Variants in TBC1D32 observed in about 807,000 individuals in gnomAD.
TBC1D32 encodes the protein TBC1 domain family member 32, also known as protein broad-minded.
TBC1D32 carries 151 observed loss-of-function variants against 170.3 expected under a neutral mutation model. The ratio of observed to expected loss-of-function variants is 0.89; its 90% CI spans 0.78 to 1.01. TBC1D32 has a LOEUF of 1.01. Ranked by LOEUF, TBC1D32 falls within the 50% of genes least tolerant of loss-of-function variation. The probability of loss-of-function intolerance (pLI) is 0.00; values close to 1 mark genes in which losing one functional copy is unlikely to be tolerated. For missense variants in TBC1D32, 1,464 were observed against 1,457.1 expected, an observed-to-expected ratio of 1.00 and a Z score of -0.08; for synonymous variants, 498 against 488.0, an observed-to-expected ratio of 1.02 and a Z score of -0.27.
At chr6:121,212,444 A>G (rs890368054) in intron 21 of TBC1D32, among the ~76,000 whole-genome samples, 1 of 143,924 alleles carries the variant, frequency 6.9e-6, no homozygotes, top group African/African-American at 2.7e-5. Context: ...CTTCAGGTCA[A>G]TATCTCTTTT....
chr6:121,323,002 A>G (rs1809958457), intron 1 of TBC1D32, among the ~76,000 whole-genome samples: 1 of 150,732 alleles, frequency 6.6e-6, no homozygotes, highest in Non-Finnish European at 1.5e-5. Context: ...GAATGAAAAG[A>G]AGAAAAAAAA....
chr6:121,267,232 T>C (rs1410756006), intron 15 of TBC1D32, among the ~76,000 whole-genome samples: 1 of 152,046 alleles, frequency 6.6e-6, no homozygotes, highest in Non-Finnish European at 1.5e-5. Flanking sequence ...GATTTCTGCA[T>C]TTCCAACTAA....
At chr6:121,278,197 A>G (rs533623724) in intron 15 of TBC1D32, among the ~76,000 whole-genome samples, 2 of 152,230 alleles carry the variant, frequency 1.3e-5, no homozygotes, top group East Asian at 3.9e-4. Flanking sequence ...AAGAAATTAA[A>G]CCAATTCTGT....
chr6:121,273,734 C>T (rs1243480444), intron 15 of TBC1D32, among the ~76,000 whole-genome samples: 1 of 151,746 alleles, frequency 6.6e-6, no homozygotes, highest in African/African-American at 2.4e-5. Context: ...ACATAGTGAA[C>T]TATAACCTTG....
chr6:121,287,827 T>C (rs969971695), intron 12 of TBC1D32, among the ~76,000 whole-genome samples: 1 of 152,156 alleles, frequency 6.6e-6, no homozygotes, highest in African/African-American at 2.4e-5. Context: ...GCAATCAAAC[T>C]AGAACTCAGG....
intron 29 of TBC1D32, among the ~76,000 whole-genome samples, chr6:121,109,264 A>C (rs1418080502): frequency 6.6e-6 from 1 of 152,196 alleles, no homozygotes; most frequent in Non-Finnish European, 1.5e-5. Context: ...TATTTTAAGA[A>C]GAGTAAGGGA....
At chr6:121,280,266 C>T (rs943574665) in intron 14 of TBC1D32, among the ~76,000 whole-genome samples, 2 of 151,548 alleles carry the variant, frequency 1.3e-5, no homozygotes, top group Non-Finnish European at 3.0e-5. Flanking sequence ...CTTTCTATTC[C>T]TCATTTTAAA....
rs115943367 is a variant in TBC1D32 at position 121,318,133 on chromosome 6, C to T, written c.318-461G>A. On this transcript the variant is annotated intron_variant, in intron 2 of 31. Coordinates refer to ENST00000398212, the MANE Select transcript of TBC1D32 (RefSeq NM_152730.6). ...TTCTCCCTTGCCCATACTTTATATACACCCATAGCCACAACTGAGAGCTCT... is the reference window on the plus strand; with the variant it reads ...TTCTCCCTTGCCCATACTTTATATATACCCATAGCCACAACTGAGAGCTCT... Among the ~76,000 whole-genome samples the T allele has an allele frequency of 8.8e-3, 1,344 of 152,100 alleles. 24 individuals carry two copies. Among genetic ancestry groups the T allele is most frequent in the African/African-American group, 0.031 (1,270 of 41,510 alleles).
chr6:121,108,512 G>A (rs949696573), intron 29 of TBC1D32, among the ~76,000 whole-genome samples: 3 of 151,828 alleles, frequency 2.0e-5, no homozygotes, highest in Admixed American at 6.6e-5. Flanking sequence ...TATAAACTAC[G>A]CTAAGACAAA....
intron 1 of TBC1D32, among the ~76,000 whole-genome samples, chr6:121,333,383 T>C (rs755441384): frequency 6.6e-6 from 1 of 152,186 alleles, no homozygotes; most frequent in Non-Finnish European, 1.5e-5. Flanking sequence ...CTCTTTTTCC[T>C]ACTGCTCCCA....
Position 121,304,615 on chromosome 6 carries a change from C to T in TBC1D32, c.780G>A (p.Leu260=). 6.2e-7 allele frequency: 1 copy of T among 1,601,242 alleles called. No individual in the cohort carries two copies. The highest frequency in any genetic ancestry group is 1.1e-5 in the South Asian group (1 of 88,608). ...KEIYTSLAKY[L]ESYFLSRENH... ...TTTCCCTAGAAAGAAAGTATGACTCCAAATACTTAGCTGAAAAAAAAGGGA... is the reference window on the plus strand; with the variant it reads ...TTTCCCTAGAAAGAAAGTATGACTCTAAATACTTAGCTGAAAAAAAAGGGA... The change falls in exon 7 of 32, where the codon TTG becomes TTA. Residue 260 remains leucine (L), a synonymous_variant. Coordinates refer to ENST00000398212, the MANE Select transcript of TBC1D32 (RefSeq NM_152730.6).
At chr6:121,223,203 A>G (rs761065304) in intron 21 of TBC1D32, 33 bp downstream of exon 21, 3 of 1,343,078 alleles carry the variant, frequency 2.2e-6, no homozygotes, top group Non-Finnish European at 1.0e-6. Flanking sequence ...AGTAGCATTT[A>G]TAACAGAGAA....
chr6:121,085,328 T>TAC (rs1251581277), intron 31 of TBC1D32, among the ~76,000 whole-genome samples: 3 of 132,158 alleles, frequency 2.3e-5, no homozygotes, highest in South Asian at 2.3e-4. Context: ...CACATATATA[T>TAC]ATACATACAT....
intron 22 of TBC1D32, among the ~76,000 whole-genome samples, chr6:121,199,308 A>G (rs1791229741): frequency 6.6e-6 from 1 of 151,432 alleles, no homozygotes; most frequent in South Asian, 2.1e-4. Context: ...TATGATACAG[A>G]TTAATATTTA....
At chr6:121,274,496 A>G (rs7742071) in intron 15 of TBC1D32, among the ~76,000 whole-genome samples, 14,171 of 151,640 alleles carry the variant, frequency 0.093, 1,151 homozygotes, top group African/African-American at 0.22. Flanking sequence ...GTCCAAGTTC[A>G]AATAATAGAA....
intron 12 of TBC1D32, among the ~76,000 whole-genome samples, chr6:121,285,780 T>C (rs1368442166): frequency 6.6e-6 from 1 of 152,152 alleles, no homozygotes; most frequent in Non-Finnish European, 1.5e-5. Context: ...GGTACTCCTC[T>C]GAGACAAAAC....
chr6:121,196,597 G>A (rs1307164637), intron 22 of TBC1D32, among the ~76,000 whole-genome samples: 1 of 152,122 alleles, frequency 6.6e-6, no homozygotes, highest in Non-Finnish European at 1.5e-5. Context: ...CATTGCCTCT[G>A]ACCAAGGCAC....
intron 24 of TBC1D32, among the ~76,000 whole-genome samples, chr6:121,142,394 C>G (rs1782904165): frequency 6.6e-6 from 1 of 152,206 alleles, no homozygotes; most frequent in African/African-American, 2.4e-5. Flanking sequence ...AGAAAAATTA[C>G]TCTCCTCTTT....
intron 30 of TBC1D32, among the ~76,000 whole-genome samples, chr6:121,104,151 T>C (rs971583063): frequency 2.0e-5 from 3 of 151,756 alleles, no homozygotes; most frequent in African/African-American, 7.2e-5. Context: ...GCTCATATCA[T>C]AATATCAAGA....
Sources: allele counts gnomAD v4.1 joint callset (sites outside exome capture counted in the v4.1 genomes callset), GRCh38; gene constraint gnomAD v4.1.1; transcripts MANE v1.5; gene names NCBI Gene and HGNC (gene_info 2026-07-23, HGNC 2026-07-21).